Variants in CATSPERD observed in about 807,000 individuals in gnomAD.
CATSPERD encodes the protein cation channel sperm-associated auxiliary subunit delta.
In CATSPERD, 86 loss-of-function variants were observed where a neutral mutation model predicts 98.1. The ratio of observed to expected loss-of-function variants is 0.88; its 90% CI spans 0.74 to 1.05. The LOEUF is 1.05. Among genes scored for constraint, CATSPERD ranks in the 50% least tolerant of loss-of-function variants. The probability of loss-of-function intolerance (pLI) is 0.00; values close to 1 mark genes in which losing one functional copy is unlikely to be tolerated. For missense variants in CATSPERD, 995 were observed against 1,005.7 expected, an observed-to-expected ratio of 0.99 and a Z score of 0.14; for synonymous variants, 394 against 390.2, an observed-to-expected ratio of 1.01 and a Z score of -0.12.
intron 3 of CATSPERD, among the ~76,000 whole-genome samples, chr19:5,729,282 T>C (rs1284056224): frequency 6.6e-6 from 1 of 150,690 alleles, no homozygotes; most frequent in Non-Finnish European, 1.5e-5. Context: ...GTGTTTTTAG[T>C]AGAGATGGGG....
chr19:5,758,162 A>G (rs1189911821), intron 14 of CATSPERD, among the ~76,000 whole-genome samples: 1 of 151,974 alleles, frequency 6.6e-6, no homozygotes, highest in East Asian at 1.9e-4. Context: ...CAGCCCGGGG[A>G]GGGTAGCCGG....
intron 17 of CATSPERD, among the ~76,000 whole-genome samples, chr19:5,767,803 C>T (rs892354564): frequency 4.8e-5 from 7 of 145,394 alleles, no homozygotes; most frequent in Non-Finnish European, 7.5e-5. Context: ...TAATTTTTAT[C>T]GATTTATTTT....
intron 21 of CATSPERD, 126 bp from the exon 22 acceptor site, chr19:5,778,250 G>A: frequency 1.3e-6 from 1 of 751,090 alleles, no homozygotes; most frequent in Non-Finnish European, 2.2e-6. Flanking sequence ...AACAGAAGTG[G>A]GTATACCCGG....
At chr19:5,774,033 T>A (rs956140695) in intron 20 of CATSPERD, among the ~76,000 whole-genome samples, 1 of 140,708 alleles carries the variant, frequency 7.1e-6, no homozygotes, top group African/African-American at 2.6e-5. Flanking sequence ...AGTGGCGCAA[T>A]CTCAGCTCAC....
At chr19:5,757,480 A>G (rs1417593703) in intron 13 of CATSPERD, among the ~76,000 whole-genome samples, 1 of 151,274 alleles carries the variant, frequency 6.6e-6, no homozygotes, top group Admixed American at 6.6e-5. Flanking sequence ...TATTTTTAGT[A>G]GAGATGGGGT....
intron 17 of CATSPERD, among the ~76,000 whole-genome samples, chr19:5,767,643 T>C (rs975118604): frequency 3.3e-5 from 5 of 149,740 alleles, no homozygotes; most frequent in African/African-American, 1.2e-4. Flanking sequence ...CCCGCCACCA[T>C]GCCCAGCTAA....
At position 5,772,778 on chromosome 19, in the gene CATSPERD, T is replaced by C. The variant is rs774167923; in HGVS notation, c.1764-10T>C. 1 of 1,612,246 alleles carries C rather than the reference T, an allele frequency of 6.2e-7. No homozygotes were observed. The highest frequency in any genetic ancestry group is 2.2e-5 in the East Asian group (1 of 44,842). The stretch of plus-strand genomic sequence containing the variant: ...TCCCTGCACAGCCCTGCCCCGTGCC[T>C]GTGTCCTAGGTGGCGAAAAGACAGT... On this transcript the variant is annotated splice_polypyrimidine_tract_variant and intron_variant, in intron 19 of 21. Transcript: ENST00000381624.
chr19:5,735,266 T>A (rs959386547), intron 5 of CATSPERD, among the ~76,000 whole-genome samples: 3 of 152,072 alleles, frequency 2.0e-5, no homozygotes, highest in African/African-American at 7.2e-5. Flanking sequence ...GCTTCCTGAG[T>A]AGCTGGGGTC....
chr19:5,770,532 G>A (rs1210965970), intron 18 of CATSPERD, among the ~76,000 whole-genome samples: 1 of 151,920 alleles, frequency 6.6e-6, no homozygotes, highest in Non-Finnish European at 1.5e-5. Context: ...TGTAATCCCA[G>A]CACTTTGGGA....
intron 18 of CATSPERD, among the ~76,000 whole-genome samples, chr19:5,769,588 C>T (rs1050664729): frequency 6.6e-6 from 1 of 152,050 alleles, no homozygotes; most frequent in Non-Finnish European, 1.5e-5. Context: ...TGCACACTTC[C>T]ATGTGATTTG....
intron 14 of CATSPERD, among the ~76,000 whole-genome samples, chr19:5,758,573 CA>C (rs71172762): frequency 0.77 from 84,917 of 109,638 alleles, 32,685 homozygotes; most frequent in East Asian, 0.97. Flanking sequence ...ACTAAAAATA[CA>C]AAAAAAAAAA....
chr19:5,753,561 C>CAA (rs374878871), intron 12 of CATSPERD: 512 of 323,462 alleles, frequency 1.6e-3, no homozygotes, highest in South Asian at 1.9e-3. Context: ...GACTCTGTCT[C>CAA]AAAAAAAAAA....
In CATSPERD at chr19:5,776,021, A is replaced by G. The variant is rs1442108138; in HGVS notation, c.1942-140A>G. 10 of 830,216 alleles carry G rather than the reference A, an allele frequency of 1.2e-5. No individual in the cohort carries two copies. The African/African-American group carries it at 1.5e-4, about 13-fold the overall frequency. 51.4% of individuals were successfully genotyped at this position (830,216 alleles called of 1,614,324 possible). A position where few individuals can be genotyped will look rare whatever the true frequency, so the allele number is the denominator to read the frequency against. On this transcript the variant is annotated intron_variant, in intron 20 of 21. Transcript: ENST00000381624. ...CAGGGAGCATGAACCTGCCCACACCATGGGCACTTGGCCCCAGAGTCCCAC... is the reference window on the plus strand; with the variant it reads ...CAGGGAGCATGAACCTGCCCACACCGTGGGCACTTGGCCCCAGAGTCCCAC...
chr19:5,728,922 A>G (rs1014151917), intron 3 of CATSPERD, among the ~76,000 whole-genome samples: 2 of 150,336 alleles, frequency 1.3e-5, no homozygotes, highest in Admixed American at 6.7e-5. Context: ...CTGGTCTCGA[A>G]CTCCTGACCT....
intron 12 of CATSPERD, 92 bp downstream of exon 12, chr19:5,751,915 T>A (rs1472620883): frequency 8.3e-7 from 1 of 1,212,110 alleles, no homozygotes; most frequent in African/African-American, 1.5e-5. Flanking sequence ...GTAGCCCCAG[T>A]TGCTCAGGAG....
rs1464279553 is a variant in CATSPERD, at chr19:5,772,826, A to C, written c.1802A>C (p.Glu601Ala). The C allele has an allele frequency of 1.2e-6, 2 of 1,613,880 alleles. No individual in the cohort carries two copies. Among genetic ancestry groups the C allele is most frequent in the Admixed American group, 3.3e-5 (2 of 59,972 alleles). ...AGTTTCCAGGAGGTCATCGACGCCG[A>C]GTATGTGTTACTGGAGGTGAACGGG... ...KDSFQEVIDA[E>A]YVLLEVNGQF... is the part of the protein sequence containing the mutation. The change falls in exon 20 of 22, where the codon GAG becomes GCG. Residue 601 changes from glutamate (E) to alanine (A), a missense_variant. Glu to Ala is a moderately radical substitution (Grantham distance 107). Coordinates refer to ENST00000381624, the MANE Select transcript of CATSPERD (RefSeq NM_152784.4).
chr19:5,747,854 TG>T (rs1296862658), intron 9 of CATSPERD, among the ~76,000 whole-genome samples: 1 of 151,920 alleles, frequency 6.6e-6, no homozygotes, highest in Non-Finnish European at 1.5e-5. Context: ...TCAAGCGATC[TG>T]CCCACCTCAG....
intron 10 of CATSPERD, among the ~76,000 whole-genome samples, chr19:5,748,585 C>T (rs981795886): frequency 2.2e-5 from 3 of 137,934 alleles, no homozygotes. Flanking sequence ...GAGCAGATCG[C>T]ACCATGGCAC....
At chr19:5,731,071 G>A (rs1246811782) in intron 4 of CATSPERD, among the ~76,000 whole-genome samples, 1 of 145,752 alleles carries the variant, frequency 6.9e-6, no homozygotes, top group Non-Finnish European at 1.5e-5. Context: ...CAGCCTGGGT[G>A]ACAGAGCGAG....
Sources: gnomAD v4.1 joint callset for allele counts (sites outside exome capture counted in the v4.1 genomes callset) on GRCh38, gnomAD v4.1.1 for gene constraint, MANE v1.5 for transcripts, NCBI Gene and HGNC (gene_info 2026-07-23, HGNC 2026-07-21) for gene names.